SPTBN1: variants seen among roughly 807,000 people sequenced by gnomAD.
SPTBN1 encodes spectrin beta, non-erythrocytic 1.
In SPTBN1, 32 loss-of-function variants were observed where a neutral mutation model predicts 266.4. That is an observed-to-expected ratio of 0.12 (90% CI 0.09 to 0.16). The LOEUF (loss-of-function observed/expected upper bound fraction) is 0.16. Ranked by LOEUF, SPTBN1 falls within the 10% of genes least tolerant of loss-of-function variation. SPTBN1 has a pLI of 1.00. For missense variants in SPTBN1, 2,296 were observed against 3,067.1 expected (o/e 0.75, Z 5.94); for synonymous variants, 1,336 against 1,162.2 (o/e 1.15, Z -3.04).
chr2:54,569,416 G>T (rs2104513265), intron 2 of SPTBN1, among the ~76,000 whole-genome samples: 1 of 152,262 alleles, frequency 6.6e-6, no homozygotes, highest in Admixed American at 6.5e-5. Flanking sequence ...GCCCTGAAAA[G>T]AAAGAAAAGT....
intron 1 of SPTBN1, among the ~76,000 whole-genome samples, chr2:54,482,518 A>C (rs1257451786): frequency 6.6e-6 from 1 of 152,176 alleles, no homozygotes; most frequent in African/African-American, 2.4e-5. Flanking sequence ...TATGCATGCT[A>C]TCCTCTGGCC....
At chr2:54,503,949 G>C (rs1669415435) in intron 1 of SPTBN1, among the ~76,000 whole-genome samples, 1 of 152,154 alleles carries the variant, frequency 6.6e-6, no homozygotes, top group Non-Finnish European at 1.5e-5. Context: ...GCAGCCTTCA[G>C]GTGTAGTATT....
Position 54,626,031 on chromosome 2 carries a change from G to C in SPTBN1, c.1441G>C (p.Val481Leu). The C allele has an allele frequency of 6.2e-7, 1 of 1,614,210 alleles. No individual in the cohort carries two copies. Among genetic ancestry groups the C allele is most frequent in the Non-Finnish European group, 8.5e-7 (1 of 1,180,044 alleles). ...IAAYEERVQAVVAVARELEAE... is the reference protein window; with the variant it reads ...IAAYEERVQALVAVARELEAE... ...CGCATACGAGGAGCGTGTGCAGGCT[G>C]TGGTAGCCGTGGCCAGGGAGCTCGA... The change falls in exon 12 of 36, where the codon GTG (valine) becomes CTG (leucine). Residue 481 changes from valine (V) to leucine (L), a missense_variant. Val to Leu is a conservative substitution (Grantham distance 32). Coordinates refer to ENST00000356805, the MANE Select transcript of SPTBN1 (RefSeq NM_003128.3). The surrounding 1 kb of genome is among the most constrained non-coding windows in gnomAD (Gnocchi z 4.7).
At chr2:54,667,501 T>G (rs888913228) in intron 34 of SPTBN1, 103 bp from the exon 35 acceptor site, 2 of 1,117,472 alleles carry the variant, frequency 1.8e-6, no homozygotes, top group Non-Finnish European at 2.7e-6. Context: ...GCTTCTGTTG[T>G]GACTCCTGTG....
At chr2:54,502,094 TGTCA>T (rs1669302732) in intron 1 of SPTBN1, among the ~76,000 whole-genome samples, 1 of 152,210 alleles carries the variant, frequency 6.6e-6, no homozygotes, top group African/African-American at 2.4e-5. Flanking sequence ...CTTTTCAGGA[TGTCA>T]GTCAAATAAT....
In SPTBN1 at chr2:54,533,896, TCTCTCACACACA is replaced by T. The variant is rs1671425506; in HGVS notation, c.148+7332_148+7343del. ...AAAGATTGATCTCTCTCTCTGTCTC[TCTCTCACACACA>T]CACACACACACACACACACGCACGC... On this transcript the variant is annotated intron_variant, in intron 2 of 35. Coordinates refer to ENST00000356805, the MANE Select transcript of SPTBN1 (RefSeq NM_003128.3). This position sits in a 1 kb window ranked among gnomAD's most constrained non-coding sequence, Gnocchi z 4.2. Among the ~76,000 whole-genome samples, 2 of 101,994 alleles carry T rather than the reference TCTCTCACACACA, an allele frequency of 2.0e-5. No individual in the cohort carries two copies. Among genetic ancestry groups the T allele is most frequent in the Non-Finnish European group, 4.0e-5 (2 of 50,018 alleles). 66.9% of individuals were successfully genotyped at this position (101,994 alleles called of 152,430 possible).
At chr2:54,561,308 A>AT (rs985827272) in intron 2 of SPTBN1, among the ~76,000 whole-genome samples, 1 of 151,988 alleles carries the variant, frequency 6.6e-6, no homozygotes, top group Non-Finnish European at 1.5e-5. Context: ...TAATTTTTAA[A>AT]TTTTTTGTAG....
intron 2 of SPTBN1, among the ~76,000 whole-genome samples, chr2:54,550,138 A>G (rs896993264): frequency 1.3e-5 from 2 of 152,200 alleles, no homozygotes; most frequent in Non-Finnish European, 2.9e-5. Flanking sequence ...AGGGTGTTTT[A>G]TGGTGTCTGT....
At chr2:54,472,137 C>T (rs1433295506) in intron 1 of SPTBN1, among the ~76,000 whole-genome samples, 3 of 146,478 alleles carry the variant, frequency 2.0e-5, no homozygotes, top group African/African-American at 7.5e-5. Flanking sequence ...ACACCATTCT[C>T]CTGCCTCAGC....
chr2:54,665,998 C>T lies in SPTBN1; in HGVS notation c.6743C>T (p.Pro2248Leu), dbSNP rs768778508. 1.9e-6 allele frequency: 3 copies of T among 1,613,926 alleles called. No homozygotes were observed. The highest frequency in any genetic ancestry group is 1.7e-5 in the Admixed American group (1 of 59,992). The change falls in exon 34 of 36, where the codon CCC becomes CTC. Residue 2248 changes from proline to leucine, a missense_variant. This residue lies in a region of SPTBN1 where 347 missense variants were observed against 368.5 expected (regional missense o/e 0.94). Coordinates refer to ENST00000356805, the MANE Select transcript of SPTBN1 (RefSeq NM_003128.3). ...GCAAAGACTGCTGCTTCTGGAATTC[C>T]CTACCACAGCGAGGTCCCTGTGAGT... ...KDAKTAASGI[P>L]YHSEVPVSLK...
chr2:54,492,473 T>C (rs540229378), intron 1 of SPTBN1, among the ~76,000 whole-genome samples: 2 of 152,272 alleles, frequency 1.3e-5, no homozygotes, highest in South Asian at 4.1e-4. Flanking sequence ...TGAGGAGTTT[T>C]ACTTAACACC....
chr2:54,496,078 C>T (rs1668952862), intron 1 of SPTBN1, among the ~76,000 whole-genome samples: 1 of 151,996 alleles, frequency 6.6e-6, no homozygotes, highest in Non-Finnish European at 1.5e-5. Context: ...AAAAAGTAAC[C>T]ATCTATGGGA....
Position 54,664,581 on chromosome 2 carries a change from G to C in SPTBN1, c.6549G>C (p.Gln2183His), listed in dbSNP as rs750496721. Reference protein sequence around the residue: ...DRKAKTALPAQSAATLPARTQ... With the variant: ...DRKAKTALPAHSAATLPARTQ... Reference sequence around the variant, plus strand: ...AAGCCAAGACTGCCCTCCCAGCCCAGAGTGCCGCCACCTTACCAGCCAGAA... The same window carrying C: ...AAGCCAAGACTGCCCTCCCAGCCCACAGTGCCGCCACCTTACCAGCCAGAA... Residue 2183 changes from glutamine (Q) to histidine (H), a missense_variant, in exon 33 of 36, where the codon CAG (glutamine) becomes CAC (histidine). Gln to His is a conservative substitution (Grantham distance 24). Transcript: ENST00000356805. This position sits in a 1 kb window ranked among gnomAD's most constrained non-coding sequence, Gnocchi z 5.6. 8 of 1,614,102 alleles carry C rather than the reference G, an allele frequency of 5.0e-6. No individual in the cohort carries two copies. The highest frequency in any genetic ancestry group is 1.7e-5 in the Admixed American group (1 of 60,016).
chr2:54,538,995 C>G (rs1299795292), intron 2 of SPTBN1, among the ~76,000 whole-genome samples: 1 of 152,162 alleles, frequency 6.6e-6, no homozygotes, highest in East Asian at 1.9e-4. Flanking sequence ...GGCCAGGAGC[C>G]CTCTTGCCTG....
intron 1 of SPTBN1, among the ~76,000 whole-genome samples, chr2:54,525,715 C>T (rs759902350): frequency 6.6e-6 from 1 of 152,206 alleles, no homozygotes; most frequent in African/African-American, 2.4e-5. Flanking sequence ...AGGTGTTGAT[C>T]TACCTCCGAT....
At chr2:54,648,201 G>A (rs1156336909) in intron 24 of SPTBN1, among the ~76,000 whole-genome samples, 1 of 152,184 alleles carries the variant, frequency 6.6e-6, no homozygotes, top group East Asian at 1.9e-4. Flanking sequence ...ATTTAACCAG[G>A]GCAGGTTAGG....
At chr2:54,634,094 C>T (rs938627500) in intron 17 of SPTBN1, among the ~76,000 whole-genome samples, 1 of 152,194 alleles carries the variant, frequency 6.6e-6, no homozygotes, top group Non-Finnish European at 1.5e-5. Context: ...AATATTAACT[C>T]TGAGTATTTT....
At chr2:54,571,264 T>A (rs1674045860) in intron 2 of SPTBN1, among the ~76,000 whole-genome samples, 1 of 152,098 alleles carries the variant, frequency 6.6e-6, no homozygotes, top group African/African-American at 2.4e-5. Context: ...GGGCCGTGGA[T>A]TTGCATAAAC....
chr2:54,647,572 C>T (rs1172265670), intron 24 of SPTBN1, among the ~76,000 whole-genome samples: 3 of 152,194 alleles, frequency 2.0e-5, no homozygotes, highest in African/African-American at 7.2e-5. Context: ...CGTAAAGTGG[C>T]TTACACTTGT....
Sources: allele counts gnomAD v4.1 joint callset (sites outside exome capture counted in the v4.1 genomes callset), GRCh38; gene constraint gnomAD v4.1.1; regional missense constraint gnomAD v4.1.1; non-coding constraint Gnocchi (gnomAD v3.1); transcripts MANE v1.5; gene names NCBI Gene and HGNC (gene_info 2026-07-23, HGNC 2026-07-21).